Variants in TRIM14 observed in about 807,000 individuals in gnomAD.
The protein encoded by TRIM14 is tripartite motif-containing protein 14.
In TRIM14, 28 loss-of-function variants were observed where a neutral mutation model predicts 44.5. The observed-to-expected ratio is 0.63, with a 90% CI of 0.47 to 0.86. The LOEUF (loss-of-function observed/expected upper bound fraction) is 0.86, where lower values mean the gene tolerates loss of function less well. TRIM14 is among the 40% of genes least tolerant of loss of function. The pLI is 0.00. For synonymous variants in TRIM14, 299 were observed against 269.2 expected (o/e 1.11, Z -1.08); for missense variants, 607 against 611.1 (o/e 0.99, Z 0.07).
rs1233893632 is a variant in TRIM14 at position 98,085,592 on chromosome 9, CT to C, written c.*1877del. 9 of 152,176 alleles carry C rather than the reference CT, an allele frequency of 5.9e-5. No individual in the cohort carries two copies. The highest frequency in any genetic ancestry group is 1.3e-4 in the Non-Finnish European group (9 of 68,050). The allele number at this position is 152,176 out of a possible 1,614,324, so 9.4% of individuals were successfully genotyped here. ...TCATCTTCCCTCTGTCAGGAACACC[CT>C]CTGCCTGTCACAATTCAGTTTGGGC... On this transcript the variant is annotated 3_prime_UTR_variant, in exon 6 of 6. Transcript: ENST00000341469.
chr9:98,067,862 T>C (rs1829195563), downstream of TRIM14, among the ~76,000 whole-genome samples: 1 of 151,900 alleles, frequency 6.6e-6, no homozygotes. Flanking sequence ...GCTAGGACTA[T>C]AGGCATGCGC....
intron 2 of TRIM14, among the ~76,000 whole-genome samples, chr9:98,103,718 G>C (rs908046981): frequency 6.6e-6 from 1 of 151,492 alleles, no homozygotes; most frequent in African/African-American, 2.4e-5. Flanking sequence ...GGCACCTGTA[G>C]TCCTGGCTAC....
In TRIM14 at chr9:98,085,577, T is replaced by G. The variant is rs554469057; in HGVS notation, c.*1893A>C. ...TGGGGTCAAGTGTATTCATCTTCCCTCTGTCAGGAACACCCTCTGCCTGTC... is the reference window on the plus strand; with the variant it reads ...TGGGGTCAAGTGTATTCATCTTCCCGCTGTCAGGAACACCCTCTGCCTGTC... On this transcript the variant is annotated 3_prime_UTR_variant, in exon 6 of 6. Transcript: ENST00000341469. 63 of 152,278 alleles carry G rather than the reference T, an allele frequency of 4.1e-4. No homozygotes were observed. The highest frequency in any genetic ancestry group is 1.5e-3 in the African/African-American group (63 of 41,518). The allele number at this position is 152,278 out of a possible 1,614,324, so 9.4% of individuals were successfully genotyped here.
chr9:98,080,805 C>T (rs1163528486), downstream of TRIM14: 1 of 1,554,372 alleles, frequency 6.4e-7, no homozygotes, highest in South Asian at 1.2e-5. Flanking sequence ...TTTTCTTTTT[C>T]CATTTTAAAG....
the TRIM14 span, among the ~76,000 whole-genome samples, chr9:98,058,604 A>AT: frequency 6.6e-6 from 1 of 152,222 alleles, no homozygotes; most frequent in Non-Finnish European, 1.5e-5. Flanking sequence ...AGTTGTAGAA[A>AT]TATCTAGAGA....
At chr9:98,080,698 C>T, downstream of TRIM14, 2 of 1,146,818 alleles carry the variant, frequency 1.7e-6, no homozygotes, top group South Asian at 1.6e-5. Context: ...CAGTATCTTG[C>T]CCCTGGCTGC....
intron 1 of TRIM14, among the ~76,000 whole-genome samples, chr9:98,114,960 T>A (rs1287021204): frequency 6.6e-6 from 1 of 152,210 alleles, no homozygotes. Flanking sequence ...TCAAGAAAAT[T>A]TTTTCTTTTG....
the TRIM14 span, among the ~76,000 whole-genome samples, chr9:98,047,206 T>C: frequency 2.6e-5 from 4 of 152,206 alleles, no homozygotes; most frequent in Admixed American, 2.6e-4. Context: ...TAAGGGGAAA[T>C]CCCTTTTGCT....
At chr9:98,048,825 C>T in the TRIM14 span, among the ~76,000 whole-genome samples, 1 of 152,012 alleles carries the variant, frequency 6.6e-6, no homozygotes, top group East Asian at 1.9e-4. Context: ...AGATCGAGAC[C>T]AGTCTGGCCA....
At chr9:98,068,650 TAAAA>T (rs55679709), downstream of TRIM14, among the ~76,000 whole-genome samples, 1 of 127,704 alleles carries the variant, frequency 7.8e-6, no homozygotes. Flanking sequence ...CCCCATCTAT[TAAAA>T]AAAAAAAAAA....
At chr9:98,113,800 T>C (rs1826947553) in intron 1 of TRIM14, among the ~76,000 whole-genome samples, 2 of 152,270 alleles carry the variant, frequency 1.3e-5, no homozygotes, top group Non-Finnish European at 2.9e-5. Context: ...ATTAGGTCTC[T>C]TGATTGAGAA....
intron 2 of TRIM14, among the ~76,000 whole-genome samples, chr9:98,106,735 T>A (rs1054361806): frequency 1.3e-5 from 2 of 152,058 alleles, no homozygotes; most frequent in Admixed American, 1.3e-4. Context: ...GAAGAATACA[T>A]AGTAAAAATG....
chr9:98,092,207 A>G (rs1826020049), intron 4 of TRIM14, among the ~76,000 whole-genome samples: 1 of 152,216 alleles, frequency 6.6e-6, no homozygotes, highest in African/African-American at 2.4e-5. Flanking sequence ...GGAGGAGCTG[A>G]GGCGCGAACA....
At chr9:98,057,979 G>A in the TRIM14 span, among the ~76,000 whole-genome samples, 2 of 126,970 alleles carry the variant, frequency 1.6e-5, no homozygotes, top group African/African-American at 6.3e-5. Flanking sequence ...CTGGAGTGCA[G>A]TGGCATGATC....
chr9:98,068,360 G>A (rs1275007489), downstream of TRIM14, among the ~76,000 whole-genome samples: 4 of 151,522 alleles, frequency 2.6e-5, no homozygotes, highest in South Asian at 4.2e-4. Context: ...GGCTGGTCTC[G>A]AACTCCTGAT....
chr9:98,092,483 C>G (rs10818475), intron 4 of TRIM14: 167,541 of 401,940 alleles, frequency 0.42, 38,995 homozygotes, highest in African/African-American at 0.69. Context: ...ATTGGGGCCG[C>G]AGCTCACTCA....
chr9:98,114,521 A>G (rs565249181), intron 1 of TRIM14, among the ~76,000 whole-genome samples: 110 of 152,198 alleles, frequency 7.2e-4, no homozygotes, highest in Middle Eastern at 6.8e-3. Flanking sequence ...TTTTTAGTAG[A>G]GACAGGGTTT....
chr9:98,070,328 GGCTGGT>G (rs1188522988), intron 6 of TRIM14, among the ~76,000 whole-genome samples: 1 of 152,026 alleles, frequency 6.6e-6, no homozygotes, highest in Non-Finnish European at 1.5e-5. Context: ...ATGTTGACCA[GGCTGGT>G]CTTGAACTCC....
chr9:98,049,518 C>T, the TRIM14 span, among the ~76,000 whole-genome samples: 1 of 152,026 alleles, frequency 6.6e-6, no homozygotes, highest in Non-Finnish European at 1.5e-5. Context: ...GTTCTTCCCC[C>T]TTTTAGACCA....
Sources: gnomAD v4.1 joint callset for allele counts (sites outside exome capture counted in the v4.1 genomes callset) on GRCh38, gnomAD v4.1.1 for gene constraint, MANE v1.5 for transcripts, NCBI Gene and HGNC (gene_info 2026-07-23, HGNC 2026-07-21) for gene names.